FRMD4A: variants seen among roughly 807,000 people sequenced by gnomAD.
FRMD4A encodes the protein FERM domain containing 4A.
Under a neutral mutation model 129.1 loss-of-function variants are expected in FRMD4A, and 29 were observed. The ratio of observed to expected loss-of-function variants is 0.22; its 90% CI spans 0.17 to 0.31. The LOEUF (loss-of-function observed/expected upper bound fraction) is 0.31. Ranked by LOEUF, FRMD4A falls within the 10% of genes least tolerant of loss-of-function variation. FRMD4A has a pLI of 1.00. For synonymous variants in FRMD4A, 634 were observed against 571.6 expected (o/e 1.11, Z -1.56); for missense variants, 1,272 against 1,375.8 (o/e 0.92, Z 1.19).
At chr10:14,245,882 C>A (rs1214188355) in intron 2 of FRMD4A, among the ~76,000 whole-genome samples, 1 of 152,154 alleles carries the variant, frequency 6.6e-6, no homozygotes, top group Non-Finnish European at 1.5e-5. Context: ...AAGCTCCTTC[C>A]AGTGCGGGGA....
intron 2 of FRMD4A, chr10:14,008,105 T>A: frequency 4.6e-6 from 6 of 1,303,350 alleles, no homozygotes; most frequent in Non-Finnish European, 6.1e-6. Context: ...GAATTTTCAG[T>A]AAAAGTCTTT....
intron 8 of FRMD4A, among the ~76,000 whole-genome samples, chr10:13,753,782 C>A (rs929740408): frequency 2.0e-5 from 3 of 152,090 alleles, no homozygotes; most frequent in African/African-American, 7.2e-5. Flanking sequence ...TGGGCTCAAG[C>A]AATCCTCCTG....
chr10:13,668,897 C>T (rs7093277), intron 17 of FRMD4A, among the ~76,000 whole-genome samples: 58,395 of 151,808 alleles, frequency 0.38, 11,871 homozygotes, highest in East Asian at 0.76. Context: ...TCCTTTGAGA[C>T]TGCATCTCCC....
At chr10:13,685,259 T>C (rs1406157062) in intron 15 of FRMD4A, 1 of 984,842 alleles carries the variant, frequency 1.0e-6, no homozygotes, top group Non-Finnish European at 1.2e-6. Context: ...ACCAAGCACC[T>C]TTTGATGGTG....
At chr10:14,033,621 C>T (rs1833357959) in intron 2 of FRMD4A, among the ~76,000 whole-genome samples, 1 of 151,942 alleles carries the variant, frequency 6.6e-6, no homozygotes, top group Admixed American at 6.6e-5. Context: ...CCCATCTCTA[C>T]TAAAAATACA....
intron 12 of FRMD4A, among the ~76,000 whole-genome samples, chr10:13,730,859 CAAAA>C (rs10639026): frequency 0.033 from 3,037 of 90,848 alleles, 59 homozygotes; most frequent in Middle Eastern, 0.092. Flanking sequence ...ACTAAAAATA[CAAAA>C]AAAAAAAAAA....
chr10:13,964,126 G>A (rs1243377090), intron 2 of FRMD4A, among the ~76,000 whole-genome samples: 2 of 140,492 alleles, frequency 1.4e-5, no homozygotes, highest in Non-Finnish European at 1.5e-5. Flanking sequence ...TTGTCAACAG[G>A]CATTAGAAAA....
chr10:14,222,293 T>C (rs947162762), intron 2 of FRMD4A, among the ~76,000 whole-genome samples: 17 of 152,344 alleles, frequency 1.1e-4, no homozygotes, highest in African/African-American at 4.1e-4. Flanking sequence ...TGAGCCTTGC[T>C]TAGCAAAAGG....
At chr10:14,008,850 T>G (rs555211861) in intron 2 of FRMD4A, among the ~76,000 whole-genome samples, 13 of 152,158 alleles carry the variant, frequency 8.5e-5, no homozygotes, top group African/African-American at 3.1e-4. Flanking sequence ...CGCATAAAAA[T>G]AAACGCACGG....
intron 2 of FRMD4A, among the ~76,000 whole-genome samples, chr10:14,106,824 G>A (rs1007342309): frequency 6.6e-6 from 1 of 151,694 alleles, no homozygotes; most frequent in African/African-American, 2.4e-5. Context: ...ACTTAAAATC[G>A]AGCTACCGTT....
At chr10:13,979,027 C>A (rs573939025) in intron 2 of FRMD4A, among the ~76,000 whole-genome samples, 1 of 152,280 alleles carries the variant, frequency 6.6e-6, no homozygotes, top group Admixed American at 6.5e-5. Flanking sequence ...GAAATAAAAC[C>A]AGAGCCGCCT....
At chr10:13,820,619 C>T (rs1489614830) in intron 3 of FRMD4A, among the ~76,000 whole-genome samples, 4 of 152,194 alleles carry the variant, frequency 2.6e-5, no homozygotes, top group African/African-American at 9.6e-5. Context: ...TGGGAGGAAC[C>T]ACGGTCTCCT....
intron 2 of FRMD4A, among the ~76,000 whole-genome samples, chr10:14,206,809 C>CAAAAAAAAAAAAA (rs57029013): frequency 0.014 from 621 of 43,030 alleles, 102 homozygotes; most frequent in African/African-American, 0.059. Flanking sequence ...GACGCTATCT[C>CAAAAAAAAAAAAA]AAAAAAAAAA....
intron 5 of FRMD4A, among the ~76,000 whole-genome samples, chr10:13,783,365 A>T (rs1348719087): frequency 1.3e-5 from 2 of 151,966 alleles, no homozygotes; most frequent in African/African-American, 2.4e-5. Context: ...CTAAATTGTC[A>T]TTGAGTTGGA....
intron 2 of FRMD4A, among the ~76,000 whole-genome samples, chr10:13,930,335 G>A (rs546408585): frequency 3.9e-5 from 6 of 152,160 alleles, no homozygotes; most frequent in Non-Finnish European, 8.8e-5. Context: ...AAGAGGTGAC[G>A]AGTGACAAGA....
intron 2 of FRMD4A, among the ~76,000 whole-genome samples, chr10:14,315,611 T>C (rs1846710293): frequency 6.6e-6 from 1 of 152,234 alleles, no homozygotes; most frequent in Non-Finnish European, 1.5e-5. Flanking sequence ...ATGCTTTCCA[T>C]TGTTTACAAG....
At chr10:13,849,343 C>T (rs1028028442) in intron 3 of FRMD4A, among the ~76,000 whole-genome samples, 4 of 152,174 alleles carry the variant, frequency 2.6e-5, no homozygotes, top group Non-Finnish European at 5.9e-5. Flanking sequence ...CGGTAGATGG[C>T]CCAGCAGGCA....
At chr10:13,952,313 C>A (rs1324784875) in intron 2 of FRMD4A, among the ~76,000 whole-genome samples, 1 of 151,802 alleles carries the variant, frequency 6.6e-6, no homozygotes, top group East Asian at 1.9e-4. Flanking sequence ...GCTTGGGATA[C>A]ACAGCAAGAC....
chr10:13,948,897 G>A (rs927932210), intron 2 of FRMD4A, among the ~76,000 whole-genome samples: 14 of 151,274 alleles, frequency 9.3e-5, no homozygotes, highest in Admixed American at 2.6e-4. Flanking sequence ...TGGTCTGCCC[G>A]CCTCGGCCTC....
Sources: allele counts gnomAD v4.1 joint callset (sites outside exome capture counted in the v4.1 genomes callset), GRCh38; gene constraint gnomAD v4.1.1; transcripts MANE v1.5; gene names NCBI Gene and HGNC (gene_info 2026-07-23, HGNC 2026-07-21).